Variants in ATG4A observed in about 807,000 individuals in gnomAD.
The protein encoded by ATG4A is cysteine protease ATG4A.
Under a neutral mutation model 38.4 loss-of-function variants are expected in ATG4A, and 22 were observed. The observed-to-expected ratio is 0.57, with a 90% confidence interval of 0.41 to 0.82. The LOEUF (loss-of-function observed/expected upper bound fraction) is 0.82. Among genes scored for constraint, ATG4A ranks in the 40% least tolerant of loss-of-function variants. ATG4A has a pLI of 0.00. For missense variants in ATG4A, 220 were observed against 290.0 expected, an observed-to-expected ratio of 0.76 and a Z score of 1.75; for synonymous variants, 86 against 100.7, an observed-to-expected ratio of 0.85 and a Z score of 0.88.
chrX:108,107,941 C>T (rs924038129), intron 1 of ATG4A, among the ~76,000 whole-genome samples: 1 of 110,993 alleles, frequency 9.0e-6, no homozygotes, highest in African/African-American at 3.3e-5. Flanking sequence ...TCTGAAACCA[C>T]CTCAGGGAGA....
At chrX:108,134,297 G>A in intron 5 of ATG4A, 42 bp from the exon 6 acceptor site, 4 of 1,184,726 alleles carry the variant, frequency 3.4e-6, no homozygotes, top group Non-Finnish European at 4.6e-6. Context: ...CTTATTGGAA[G>A]ATCTTTTGCT....
intron 2 of ATG4A, among the ~76,000 whole-genome samples, 160 bp downstream of exon 2, chrX:108,126,347 C>T (rs992345150): frequency 1.8e-5 from 2 of 112,121 alleles, no homozygotes; most frequent in Non-Finnish European, 3.8e-5. Flanking sequence ...GCTTAAGCCT[C>T]AGGACTTTTG....
intron 2 of ATG4A, among the ~76,000 whole-genome samples, chrX:108,128,089 C>T (rs1800562562): frequency 8.9e-6 from 1 of 112,178 alleles, no homozygotes. Flanking sequence ...TGCATCCACA[C>T]AAACAAGCCA....
intron 9 of ATG4A, among the ~76,000 whole-genome samples, chrX:108,144,189 G>A (rs922623698): frequency 1.8e-5 from 2 of 112,483 alleles, no homozygotes; most frequent in African/African-American, 3.2e-5. Context: ...GCCATAAAGT[G>A]AGTGCCTTGG....
chrX:108,103,580 T>G (rs1359280812), intron 1 of ATG4A, among the ~76,000 whole-genome samples: 4 of 112,043 alleles, frequency 3.6e-5, no homozygotes, highest in African/African-American at 1.3e-4. Context: ...TCTTTTCCTT[T>G]GGGTTTCATT....
rs150710730 is a variant in ATG4A, at chrX:108,141,920, C to T, written c.814+3729C>T. ...TGGATTGGGCTTCTAGTATACCTGT[C>T]GCCCAAATATTGAGCATTGTACCCC... On this transcript the variant is annotated intron_variant, in intron 9 of 12. Coordinates refer to ENST00000372232, the MANE Select transcript of ATG4A (RefSeq NM_052936.5). Among the ~76,000 whole-genome samples, 576 of 111,084 alleles carry T rather than the reference C, an allele frequency of 5.2e-3. 5 individuals are homozygous for T. The highest frequency in any genetic ancestry group is 0.017 in the African/African-American group (531 of 30,534).
intron 2 of ATG4A, among the ~76,000 whole-genome samples, chrX:108,126,550 G>A (rs1445036899): frequency 3.6e-5 from 4 of 111,910 alleles, no homozygotes; most frequent in African/African-American, 1.3e-4. Flanking sequence ...CTAGCCTTTC[G>A]TGACTGGTCT....
At chrX:108,142,623 A>T (rs1247812771) in intron 9 of ATG4A, among the ~76,000 whole-genome samples, 1 of 110,777 alleles carries the variant, frequency 9.0e-6, no homozygotes, top group African/African-American at 3.3e-5. Context: ...AGCCAGTCTG[A>T]GTTCCAAAAC....
At chrX:108,144,204 A>G (rs1273072976) in intron 9 of ATG4A, among the ~76,000 whole-genome samples, 1 of 112,596 alleles carries the variant, frequency 8.9e-6, no homozygotes, top group Non-Finnish European at 1.9e-5. Flanking sequence ...CCTTGGTCAG[A>G]GCTGTGTGGA....
Position 108,140,713 on chromosome X carries a change from T to C in ATG4A, c.814+2522T>C, listed in dbSNP as rs906392996. 5.9e-5 allele frequency among the ~76,000 whole-genome samples: 6 copies of C among 100,891 alleles called. No homozygotes were observed. The East Asian group carries it at 1.2e-3, about 20-fold the overall frequency. The allele number at this position is 100,891 out of a possible 115,157, so 87.6% of individuals were successfully genotyped here. A position where few individuals can be genotyped will look rare whatever the true frequency, so the allele number is the denominator to read the frequency against. On this transcript the variant is annotated intron_variant, in intron 9 of 12. Coordinates refer to ENST00000372232, the MANE Select transcript of ATG4A (RefSeq NM_052936.5). The stretch of plus-strand genomic sequence containing the variant: ...TGTATAAATGTATATATAAAATACA[T>C]TGTATATATAAATAAATGTATATAT...
At chrX:108,151,921 A>T (rs1053252210) in intron 11 of ATG4A, 63 bp downstream of exon 11, 1 of 1,007,166 alleles carries the variant, frequency 9.9e-7, no homozygotes, top group Non-Finnish European at 1.4e-6. Context: ...CCTTTTCAAG[A>T]TTGTTTTTCA....
chrX:108,150,364 C>A, intron 10 of ATG4A, 67 bp downstream of exon 10: 3 of 1,166,023 alleles, frequency 2.6e-6, no homozygotes, highest in Middle Eastern at 2.8e-4. Flanking sequence ...TGGGAGTTAT[C>A]CAGATTGCTA....
intron 4 of ATG4A, among the ~76,000 whole-genome samples, chrX:108,133,817 T>A (rs1468077212): frequency 8.9e-6 from 1 of 112,035 alleles, no homozygotes; most frequent in African/African-American, 3.3e-5. Flanking sequence ...GTTAAGTCAG[T>A]TCCTTGGTCA....
intron 9 of ATG4A, among the ~76,000 whole-genome samples, chrX:108,147,106 TTAGTC>T (rs2033443613): frequency 9.0e-6 from 1 of 111,537 alleles, no homozygotes; most frequent in Admixed American, 9.5e-5. Flanking sequence ...CACCAGGACT[TTAGTC>T]TAGTTGAAGT....
At chrX:108,098,729 T>G (rs2031911693) in intron 1 of ATG4A, among the ~76,000 whole-genome samples, 2 of 111,936 alleles carry the variant, frequency 1.8e-5, no homozygotes, top group East Asian at 5.5e-4. Flanking sequence ...TAAAATGATT[T>G]AATTTTTAGA....
chrX:108,099,682 T>G (rs2031944355), intron 1 of ATG4A, among the ~76,000 whole-genome samples: 1 of 112,170 alleles, frequency 8.9e-6, no homozygotes, highest in South Asian at 3.7e-4. Context: ...GCATAAAATG[T>G]GAAGTTTAGG....
upstream of ATG4A, among the ~76,000 whole-genome samples, chrX:108,089,706 G>A (rs187960016): frequency 4.5e-3 from 501 of 110,255 alleles, 6 homozygotes; most frequent in African/African-American, 0.016. Context: ...GGTGGCAGGC[G>A]CCTGTAATCC....
intron 9 of ATG4A, among the ~76,000 whole-genome samples, chrX:108,143,513 A>G (rs1377135148): frequency 9.0e-6 from 1 of 111,397 alleles, no homozygotes; most frequent in Admixed American, 9.6e-5. Context: ...TCTTACCTCC[A>G]TTGTGGGGTA....
intron 1 of ATG4A, among the ~76,000 whole-genome samples, chrX:108,111,036 T>C (rs137962970): frequency 2.7e-5 from 3 of 110,975 alleles, no homozygotes; most frequent in Non-Finnish European, 5.7e-5. Flanking sequence ...CCCGAGTAGC[T>C]TGGATCACAG....
Sources: allele counts gnomAD v4.1 joint callset (sites outside exome capture counted in the v4.1 genomes callset), GRCh38; gene constraint gnomAD v4.1.1; transcripts MANE v1.5; gene names NCBI Gene and HGNC (gene_info 2026-07-23, HGNC 2026-07-21).